The following SDK2 variants were observed in gnomAD, a reference collection of about 807,000 sequenced individuals.
SDK2 encodes the protein protein sidekick-2.
A neutral mutation model predicts 253.9 loss-of-function variants in SDK2; 105 were observed. The ratio of observed to expected loss-of-function variants is 0.41; its 90% CI spans 0.35 to 0.49. The LOEUF is 0.49. SDK2 is among the 20% of genes least tolerant of loss of function. The pLI is 0.06. For missense variants in SDK2, 2,608 were observed against 3,003.0 expected, an observed-to-expected ratio of 0.87 and a Z score of 3.07; for synonymous variants, 1,249 against 1,234.9, an observed-to-expected ratio of 1.01 and a Z score of -0.24.
chr17:73,382,092 G>A (rs1313871131), intron 33 of SDK2, among the ~76,000 whole-genome samples: 5 of 151,420 alleles, frequency 3.3e-5, no homozygotes, highest in African/African-American at 9.7e-5. Context: ...AGTGTGCGCC[G>A]TTAATCCCAG....
chr17:73,536,611 T>C (rs2044777943), intron 1 of SDK2, among the ~76,000 whole-genome samples: 1 of 152,202 alleles, frequency 6.6e-6, no homozygotes, highest in Admixed American at 6.5e-5. Flanking sequence ...GCTATTGTCC[T>C]AGAGGCAGCA....
intron 2 of SDK2, among the ~76,000 whole-genome samples, chr17:73,486,564 T>G (rs187145466): frequency 2.0e-3 from 298 of 148,674 alleles, no homozygotes; most frequent in Middle Eastern, 0.014. Flanking sequence ...AAGCTATGAT[T>G]GCACCACTGC....
At chr17:73,399,921 A>G (rs571288508) in intron 21 of SDK2, among the ~76,000 whole-genome samples, 1 of 152,240 alleles carries the variant, frequency 6.6e-6, no homozygotes, top group East Asian at 1.9e-4. Context: ...CCTCCTTGGT[A>G]ATGAAGAGGA....
At chr17:73,364,294 G>C (rs928078800) in intron 38 of SDK2, among the ~76,000 whole-genome samples, 3 of 152,136 alleles carry the variant, frequency 2.0e-5, no homozygotes, top group African/African-American at 7.2e-5. Context: ...TAGGAGCCCA[G>C]AAATGGGCAG....
Position 73,609,677 on chromosome 17 carries a change from GGGTAC to G in SDK2, c.64+34343_64+34347del, listed in dbSNP as rs2045950092. Among the ~76,000 whole-genome samples, 1 of 152,170 alleles carries G rather than the reference GGGTAC, an allele frequency of 6.6e-6. No homozygotes were observed. Among genetic ancestry groups the G allele is most frequent in the African/African-American group, 2.4e-5 (1 of 41,434 alleles). ...GGGAATGACTTTCAAGGGAGGTAAT[GGGTAC>G]CCTCTTACCTACGTGCAGTTTACAA... is the stretch of plus-strand genomic sequence containing the variant. On this transcript the variant is annotated intron_variant, in intron 1 of 44. Coordinates refer to ENST00000392650, the MANE Select transcript of SDK2 (RefSeq NM_001144952.2). The surrounding 1 kb of genome is among the most constrained non-coding windows in gnomAD (Gnocchi z 4.4).
chr17:73,358,649 C>T (rs1287408746), intron 39 of SDK2, among the ~76,000 whole-genome samples: 3 of 152,028 alleles, frequency 2.0e-5, no homozygotes, highest in Non-Finnish European at 2.9e-5. Context: ...GCAGAGTGGG[C>T]CCATGAGAGG....
At chr17:73,477,644 G>A (rs114740208) in intron 2 of SDK2, among the ~76,000 whole-genome samples, 1,903 of 152,288 alleles carry the variant, frequency 0.012, 43 homozygotes, top group African/African-American at 0.041. Flanking sequence ...AGTCATTGGC[G>A]GGGAGGCTCA....
Position 73,401,981 on chromosome 17 carries a change from C to T in SDK2, c.2645G>A (p.Arg882His), listed in dbSNP as rs757650185. The T allele has an allele frequency of 4.3e-6, 7 of 1,612,762 alleles. No homozygotes were observed. In the African/African-American group the frequency reaches 6.7e-5, roughly 15 times the overall value. ...GGTGCGCACCAGCTGCGGGGTGCTG[C>T]GTGGCCCGTCCCCGGGGGTGGTGAA... ...LCFTTPGDGPRSTPQLVRTHE... is the reference protein window; with the variant it reads ...LCFTTPGDGPHSTPQLVRTHE... The change falls in exon 19 of 45, where the codon CGC becomes CAC. Residue 882 changes from arginine (R) to histidine (H), a missense_variant. Coordinates refer to ENST00000392650, the MANE Select transcript of SDK2 (RefSeq NM_001144952.2).
At chr17:73,446,819 T>C (rs182805933) in intron 5 of SDK2, among the ~76,000 whole-genome samples, 216 of 152,264 alleles carry the variant, frequency 1.4e-3, no homozygotes, top group Non-Finnish European at 2.1e-3. Context: ...GATTTGGGCC[T>C]ACGCTGCTCC....
chr17:73,434,542 C>T (rs1156873985), intron 9 of SDK2, among the ~76,000 whole-genome samples: 2 of 152,260 alleles, frequency 1.3e-5, no homozygotes, highest in African/African-American at 2.4e-5. Flanking sequence ...CCGTGGAGCT[C>T]AAGGAGACCC....
rs117462347 is a variant in SDK2, at chr17:73,496,245, C to T, written c.224+11193G>A. On this transcript the variant is annotated intron_variant, in intron 2 of 44. Coordinates refer to ENST00000392650, the MANE Select transcript of SDK2 (RefSeq NM_001144952.2). The surrounding 1 kb of genome is among the most constrained non-coding windows in gnomAD (Gnocchi z 4.7). The stretch of plus-strand genomic sequence containing the variant: ...CATCTTGCATGACATTCCCAGCCAC[C>T]CTGGGAGGTAGCTACTGGTCTTATT... 6.6e-6 allele frequency among the ~76,000 whole-genome samples: 1 copy of T among 152,108 alleles called. No homozygotes were observed. The highest frequency in any genetic ancestry group is 1.5e-5 in the Non-Finnish European group (1 of 68,038).
intron 6 of SDK2, among the ~76,000 whole-genome samples, chr17:73,440,192 C>T (rs2063403918): frequency 6.6e-6 from 1 of 151,410 alleles, no homozygotes; most frequent in Admixed American, 6.6e-5. Context: ...ACTGTAACCT[C>T]CGCCTCCTGG....
intron 1 of SDK2, among the ~76,000 whole-genome samples, chr17:73,582,293 G>A (rs990426228): frequency 8.8e-5 from 13 of 147,262 alleles, no homozygotes; most frequent in South Asian, 2.1e-4. Context: ...CGCACACCAC[G>A]CAGGCATCAG....
chr17:73,338,149 G>A lies in SDK2; in HGVS notation c.*438C>T, dbSNP rs1002587416. The stretch of plus-strand genomic sequence containing the variant: ...GCCCATTCTTTTTGCAGAGAGCAGC[G>A]GCAGTGGGTCCAGGGGTCCTGGAGG... On this transcript the variant is annotated 3_prime_UTR_variant, in exon 45 of 45. Transcript: ENST00000392650. This position sits in a 1 kb window ranked among gnomAD's most constrained non-coding sequence, Gnocchi z 5.0. 4.5e-5 allele frequency: 13 copies of A among 287,710 alleles called. No homozygotes were observed. The highest frequency in any genetic ancestry group is 8.3e-5 in the Non-Finnish European group (12 of 145,434). 17.8% of individuals were successfully genotyped at this position (287,710 alleles called of 1,614,324 possible).
At chr17:73,459,649 C>A (rs1422443965) in intron 3 of SDK2, among the ~76,000 whole-genome samples, 1 of 152,070 alleles carries the variant, frequency 6.6e-6, no homozygotes, top group Non-Finnish European at 1.5e-5. Context: ...GACTTCAAAT[C>A]CTAGTTCTGT....
chr17:73,470,291 A>G (rs1433848730), intron 3 of SDK2, among the ~76,000 whole-genome samples: 1 of 150,850 alleles, frequency 6.6e-6, no homozygotes, highest in African/African-American at 2.4e-5. Flanking sequence ...ATGCATGCAA[A>G]CACACACACA....
intron 2 of SDK2, among the ~76,000 whole-genome samples, chr17:73,500,652 CTCCTCACTCCATCTCCTCCATCCA>C (rs1307998267): frequency 3.5e-5 from 5 of 141,160 alleles, no homozygotes; most frequent in Admixed American, 1.4e-4. Context: ...TCCTCCATCC[CTCCTCACTCCATCTCCTCCATCCA>C]TCCTCCCTCC....
chr17:73,480,894 G>T (rs1313436918), intron 2 of SDK2, among the ~76,000 whole-genome samples: 1 of 152,192 alleles, frequency 6.6e-6, no homozygotes, highest in Non-Finnish European at 1.5e-5. Context: ...GGCACCTCAG[G>T]AACAGCAATG....
chr17:73,340,760 T>TTTTTTTA (rs2062428684), intron 44 of SDK2, among the ~76,000 whole-genome samples: 9 of 145,814 alleles, frequency 6.2e-5, no homozygotes, highest in Non-Finnish European at 1.1e-4. Flanking sequence ...TTTTTTTTTT[T>TTTTTTTA]GAGATGGAGT....
Sources: gnomAD v4.1 joint callset for allele counts (sites outside exome capture counted in the v4.1 genomes callset) on GRCh38, gnomAD v4.1.1 for gene constraint, Gnocchi (gnomAD v3.1) non-coding constraint, MANE v1.5 for transcripts, NCBI Gene and HGNC (gene_info 2026-07-23, HGNC 2026-07-21) for gene names.